Variants in DNAAF9 observed in about 807,000 individuals in gnomAD.
DNAAF9 encodes dynein axonemal assembly factor 9.
DNAAF9 carries 90 observed loss-of-function variants against 167.0 expected under a neutral mutation model. The observed-to-expected ratio is 0.54, with a 90% CI of 0.45 to 0.64. DNAAF9 has a LOEUF of 0.64. DNAAF9 is among the 30% of genes least tolerant of loss of function. DNAAF9 has a pLI of 0.00. For missense variants in DNAAF9, 1,315 were observed against 1,442.2 expected (o/e 0.91, Z 1.43); for synonymous variants, 491 against 508.8 (o/e 0.96, Z 0.47).
chr20:3,296,856 C>A lies in DNAAF9; in HGVS notation c.2018+5G>T. ...GCAAGCACAAATACTGAAGCAGCCA[C>A]TTACAATCTCTTTTGTTCCACAGAT... On this transcript the variant is annotated splice_donor_5th_base_variant and intron_variant, in intron 23 of 36. Transcript: ENST00000252032. The A allele has an allele frequency of 6.3e-7, 1 of 1,589,212 alleles. No individual in the cohort carries two copies. The highest frequency in any genetic ancestry group is 1.3e-5 in the African/African-American group (1 of 74,456).
chr20:3,277,771 C>G (rs1196673484), intron 29 of DNAAF9, among the ~76,000 whole-genome samples: 1 of 152,136 alleles, frequency 6.6e-6, no homozygotes, highest in African/African-American at 2.4e-5. Flanking sequence ...TAACAGGGAC[C>G]TCTGAAAGCT....
At chr20:3,330,747 C>A in intron 11 of DNAAF9, 65 bp from the exon 12 acceptor site, 1 of 905,278 alleles carries the variant, frequency 1.1e-6, no homozygotes, top group Non-Finnish European at 1.7e-6. Flanking sequence ...AACAAGGAAG[C>A]TAGAAATGCT....
At chr20:3,261,867 G>A (rs879554040) in intron 31 of DNAAF9, among the ~76,000 whole-genome samples, 7 of 151,836 alleles carry the variant, frequency 4.6e-5, no homozygotes, top group Non-Finnish European at 7.4e-5. Flanking sequence ...ATCCTTAGGG[G>A]AATTTGCAGG....
chr20:3,355,450 C>A (rs2083271149), intron 7 of DNAAF9, among the ~76,000 whole-genome samples: 1 of 152,062 alleles, frequency 6.6e-6, no homozygotes, highest in South Asian at 2.1e-4. Flanking sequence ...TGGCACACAC[C>A]TGTAGTCCCG....
chr20:3,252,616 G>C lies in DNAAF9; in HGVS notation c.3490C>G (p.Leu1164Val), dbSNP rs745861168. ...AGGTCATGATACTCCTGCTGTTCCA[G>C]CTCCTGGTTATACTTCTCAATTTCC... ...NREIEKYNQE[L>V]EQQEYHDLFE... is the part of the protein sequence containing the mutation. The change falls in exon 37 of 37, where the codon CTG becomes GTG. Residue 1164 changes from leucine (L) to valine (V), a missense_variant. Coordinates refer to ENST00000252032, the MANE Select transcript of DNAAF9 (RefSeq NM_001009984.3). 14 of 1,612,806 alleles carry C rather than the reference G, an allele frequency of 8.7e-6. No homozygotes were observed. Among genetic ancestry groups the C allele is most frequent in the Non-Finnish European group, 1.2e-5 (14 of 1,178,898 alleles).
chr20:3,260,780 C>T (rs1388836202), intron 31 of DNAAF9, among the ~76,000 whole-genome samples: 2 of 152,156 alleles, frequency 1.3e-5, no homozygotes, highest in Non-Finnish European at 2.9e-5. Context: ...CAGGCGTGTG[C>T]GCCACCACAC....
At chr20:3,270,099 G>A (rs2068566238) in intron 30 of DNAAF9, among the ~76,000 whole-genome samples, 1 of 149,360 alleles carries the variant, frequency 6.7e-6, no homozygotes, top group Non-Finnish European at 1.5e-5. Context: ...CACCCAAAAT[G>A]CTGAGATTAC....
intron 27 of DNAAF9, among the ~76,000 whole-genome samples, chr20:3,286,389 T>C (rs910913891): frequency 6.6e-6 from 1 of 152,132 alleles, no homozygotes; most frequent in Non-Finnish European, 1.5e-5. Flanking sequence ...CTCTCCGAAG[T>C]GATGGAAGAT....
chr20:3,315,000 A>G (rs1196689497), intron 20 of DNAAF9, 33 bp downstream of exon 20: 1 of 1,184,838 alleles, frequency 8.4e-7, no homozygotes, highest in Non-Finnish European at 1.3e-6. Context: ...GGACCCAGAC[A>G]TGGCCAAAAA....
chr20:3,321,618 G>C (rs949572964), intron 16 of DNAAF9, among the ~76,000 whole-genome samples: 1 of 152,162 alleles, frequency 6.6e-6, no homozygotes, highest in African/African-American at 2.4e-5. Context: ...ATCCAGGCTG[G>C]AGTGCAGTGG....
intron 30 of DNAAF9, among the ~76,000 whole-genome samples, chr20:3,269,780 C>G (rs2068558841): frequency 6.6e-6 from 1 of 151,938 alleles, no homozygotes. Flanking sequence ...TGGTGAAACC[C>G]CGTCTCTACT....
chr20:3,382,660 AAT>A (rs2083673799), intron 1 of DNAAF9, among the ~76,000 whole-genome samples, 154 bp from the exon 2 acceptor site: 1 of 152,110 alleles, frequency 6.6e-6, no homozygotes, highest in Non-Finnish European at 1.5e-5. Context: ...AGAACCATAA[AAT>A]GGATTGGGAA....
chr20:3,373,802 C>G (rs1441181540), intron 6 of DNAAF9, among the ~76,000 whole-genome samples: 1 of 152,112 alleles, frequency 6.6e-6, no homozygotes, highest in Non-Finnish European at 1.5e-5. Flanking sequence ...GAAGAACAGT[C>G]AGCTGAGAAT....
intron 31 of DNAAF9, among the ~76,000 whole-genome samples, chr20:3,262,430 TA>T (rs2068408527): frequency 6.6e-6 from 1 of 152,062 alleles, no homozygotes; most frequent in Non-Finnish European, 1.5e-5. Context: ...TTTGTATTTT[TA>T]ATAGAGACGG....
chr20:3,335,830 T>C (rs1315771351), intron 10 of DNAAF9, among the ~76,000 whole-genome samples: 3 of 151,172 alleles, frequency 2.0e-5, no homozygotes, highest in Non-Finnish European at 4.4e-5. Flanking sequence ...GTTTTCAAGA[T>C]TTTTTGTTTG....
chr20:3,271,628 T>C (rs1168105062), intron 29 of DNAAF9, among the ~76,000 whole-genome samples: 2 of 151,520 alleles, frequency 1.3e-5, no homozygotes, highest in African/African-American at 2.4e-5. Flanking sequence ...ACTTCTTCTT[T>C]TTTTTTTTTT....
At position 3,259,473 on chromosome 20, in the gene DNAAF9, T is replaced by A. The variant is rs1277063508; in HGVS notation, c.3055+7A>T. 2 of 1,422,608 alleles carry A rather than the reference T, an allele frequency of 1.4e-6. No individual in the cohort carries two copies. The highest frequency in any genetic ancestry group is 1.9e-6 in the Non-Finnish European group (2 of 1,066,338). 88.1% of individuals were successfully genotyped at this position (1,422,608 alleles called of 1,614,324 possible). On this transcript the variant is annotated splice_region_variant and intron_variant, in intron 33 of 36. Transcript: ENST00000252032. Reference sequence around the variant, plus strand: ...TGTAGAGCTCCCAAATCCCAGCCCCTGGTTACCTGAAAACTTCACTTTGCC... The same window carrying A: ...TGTAGAGCTCCCAAATCCCAGCCCCAGGTTACCTGAAAACTTCACTTTGCC...
intron 25 of DNAAF9, 139 bp from the exon 26 acceptor site, chr20:3,290,356 G>A: frequency 1.5e-6 from 1 of 649,548 alleles, no homozygotes; most frequent in East Asian, 2.7e-5. Flanking sequence ...GTGACCTTAG[G>A]CCAATGACAG....
intron 1 of DNAAF9, among the ~76,000 whole-genome samples, chr20:3,397,540 G>A (rs1417488378): frequency 3.3e-5 from 5 of 152,082 alleles, no homozygotes; most frequent in South Asian, 2.1e-4. Context: ...GGATGGTCTT[G>A]ATCTCCTGAC....
Sources: allele counts gnomAD v4.1 joint callset (sites outside exome capture counted in the v4.1 genomes callset), GRCh38; gene constraint gnomAD v4.1.1; transcripts MANE v1.5; gene names NCBI Gene and HGNC (gene_info 2026-07-23, HGNC 2026-07-21).